ADARB2: variants seen among roughly 807,000 people sequenced by gnomAD.
The protein encoded by ADARB2 is inactive double-stranded RNA-specific editase B2.
In ADARB2, 25 loss-of-function variants were observed where a neutral mutation model predicts 62.2. The observed-to-expected ratio is 0.40, with a 90% confidence interval of 0.29 to 0.56. The LOEUF (loss-of-function observed/expected upper bound fraction) is 0.56, where lower values mean the gene tolerates loss of function less well. Among genes scored for constraint, ADARB2 ranks in the 20% least tolerant of loss-of-function variants. ADARB2 has a pLI of 0.43. For synonymous variants in ADARB2, 572 were observed against 500.8 expected (o/e 1.14, Z -1.90); for missense variants, 1,071 against 1,077.4 (o/e 0.99, Z 0.08).
chr10:1,492,013 T>C, intron 1 of ADARB2, among the ~76,000 whole-genome samples: 1 of 152,236 alleles, frequency 6.6e-6, no homozygotes, highest in Non-Finnish European at 1.5e-5. Context: ...GTTGATAAGA[T>C]CATTTTTGTG....
At chr10:1,546,760 G>A (rs1482854852) in intron 1 of ADARB2, among the ~76,000 whole-genome samples, 1 of 152,264 alleles carries the variant, frequency 6.6e-6, no homozygotes. Flanking sequence ...TCGAAAGGCT[G>A]CAGAACCCAT....
At chr10:1,684,214 ACTT>A (rs770311080) in intron 1 of ADARB2, among the ~76,000 whole-genome samples, 2 of 152,176 alleles carry the variant, frequency 1.3e-5, no homozygotes, top group Non-Finnish European at 2.9e-5. Flanking sequence ...AGAAAAACAG[ACTT>A]CTTTCTTAGA....
intron 1 of ADARB2, among the ~76,000 whole-genome samples, chr10:1,669,910 C>A (rs4880526): frequency 6.6e-6 from 1 of 151,408 alleles, no homozygotes; most frequent in Non-Finnish European, 1.5e-5. Flanking sequence ...ACAGACACAC[C>A]CATAGAGAGA....
At chr10:1,417,875 G>T (rs1005969620) in intron 1 of ADARB2, among the ~76,000 whole-genome samples, 1 of 152,262 alleles carries the variant, frequency 6.6e-6, no homozygotes, top group Non-Finnish European at 1.5e-5. Flanking sequence ...GGGCCCCAAG[G>T]CACCTCAAAG....
chr10:1,463,963 C>T (rs946088475), intron 1 of ADARB2, among the ~76,000 whole-genome samples: 1 of 152,230 alleles, frequency 6.6e-6, no homozygotes, highest in Non-Finnish European at 1.5e-5. Flanking sequence ...AAAGCGCAAA[C>T]GCAAACCCCC....
intron 1 of ADARB2, among the ~76,000 whole-genome samples, chr10:1,431,740 C>T (rs1830779164): frequency 6.6e-6 from 1 of 152,008 alleles, no homozygotes; most frequent in Admixed American, 6.6e-5. Context: ...GAGAGAAATA[C>T]AAATCTCTGG....
At chr10:1,231,909 A>G (rs1291132168) in intron 6 of ADARB2, among the ~76,000 whole-genome samples, 1 of 152,156 alleles carries the variant, frequency 6.6e-6, no homozygotes, top group African/African-American at 2.4e-5. Flanking sequence ...TAAAGACACC[A>G]TTATCCCCAC....
intron 1 of ADARB2, among the ~76,000 whole-genome samples, chr10:1,381,754 T>C (rs975731685): frequency 6.6e-6 from 1 of 152,178 alleles, no homozygotes; most frequent in Non-Finnish European, 1.5e-5. Context: ...CAAATACTAG[T>C]GCATGGTCTC....
intron 1 of ADARB2, among the ~76,000 whole-genome samples, chr10:1,407,800 G>A (rs74123407): frequency 0.022 from 3,273 of 152,222 alleles, 73 homozygotes; most frequent in East Asian, 0.12. Flanking sequence ...GGTTGCTCTC[G>A]CCCGGCCTCC....
At chr10:1,685,289 C>A (rs907898218) in intron 1 of ADARB2, among the ~76,000 whole-genome samples, 3 of 152,114 alleles carry the variant, frequency 2.0e-5, no homozygotes, top group Admixed American at 6.5e-5. Context: ...ACACAGCGGC[C>A]ACCTGAATGA....
intron 1 of ADARB2, among the ~76,000 whole-genome samples, chr10:1,730,788 C>T (rs1441068542): frequency 6.6e-6 from 1 of 152,008 alleles, no homozygotes; most frequent in South Asian, 2.1e-4. Flanking sequence ...AAAAACTGAA[C>T]GTTAACTATT....
intron 1 of ADARB2, among the ~76,000 whole-genome samples, chr10:1,471,829 G>C (rs1831325926): frequency 6.6e-6 from 1 of 152,176 alleles, no homozygotes; most frequent in African/African-American, 2.4e-5. Flanking sequence ...ACGAATTTAT[G>C]GCCGTGTACA....
In ADARB2 at chr10:1,182,539, C is replaced by G. The variant is rs1358316006; in HGVS notation, c.*654G>C. 1 of 152,706 alleles carries G rather than the reference C, an allele frequency of 6.5e-6. No homozygotes were observed. Among genetic ancestry groups the G allele is most frequent in the East Asian group, 1.9e-4 (1 of 5,178 alleles). 9.5% of individuals were successfully genotyped at this position (152,706 alleles called of 1,614,324 possible). A position where few individuals can be genotyped will look rare whatever the true frequency, so the allele number is the denominator to read the frequency against. On this transcript the variant is annotated 3_prime_UTR_variant, in exon 10 of 10. Transcript: ENST00000381312. ...TTTCCAGGCTCCCCACGTCACAGGTCTTAACTCTGCCTCGCAGGGGTTTTG... is the reference window on the plus strand; with the variant it reads ...TTTCCAGGCTCCCCACGTCACAGGTGTTAACTCTGCCTCGCAGGGGTTTTG...
intron 1 of ADARB2, among the ~76,000 whole-genome samples, chr10:1,616,958 A>T (rs12773118): frequency 6.7e-6 from 1 of 149,766 alleles, no homozygotes; most frequent in African/African-American, 2.5e-5. Flanking sequence ...TGTGCTCTGC[A>T]TCCTGGGAAC....
chr10:1,654,765 G>A (rs1319556692), intron 1 of ADARB2, among the ~76,000 whole-genome samples: 4 of 152,234 alleles, frequency 2.6e-5, no homozygotes, highest in South Asian at 2.1e-4. Flanking sequence ...TCTCCCTGAC[G>A]ACTCTACCAG....
chr10:1,242,852 C>T (rs1236906467), intron 4 of ADARB2, among the ~76,000 whole-genome samples: 1 of 152,146 alleles, frequency 6.6e-6, no homozygotes, highest in Non-Finnish European at 1.5e-5. Context: ...GTCAAAGGAA[C>T]CCCATCCACA....
At chr10:1,304,141 A>G (rs1242304685) in intron 3 of ADARB2, among the ~76,000 whole-genome samples, 63 of 152,228 alleles carry the variant, frequency 4.1e-4, no homozygotes, top group African/African-American at 1.4e-3. Context: ...TCTCATGTGC[A>G]GAGACACACA....
At chr10:1,321,949 G>T (rs1831799597) in intron 3 of ADARB2, among the ~76,000 whole-genome samples, 1 of 151,966 alleles carries the variant, frequency 6.6e-6, no homozygotes, top group African/African-American at 2.4e-5. Flanking sequence ...CTCTGGGGGA[G>T]GACTTTGGGT....
intron 1 of ADARB2, among the ~76,000 whole-genome samples, chr10:1,619,967 A>C (rs1833687950): frequency 6.6e-6 from 1 of 152,160 alleles, no homozygotes; most frequent in African/African-American, 2.4e-5. Context: ...TCAATAAAGG[A>C]AAAACAAGAA....
Sources: gnomAD v4.1 joint callset for allele counts (sites outside exome capture counted in the v4.1 genomes callset) on GRCh38, gnomAD v4.1.1 for gene constraint, MANE v1.5 for transcripts, NCBI Gene and HGNC (gene_info 2026-07-23, HGNC 2026-07-21) for gene names.